Variants in GALNT17 observed in about 807,000 individuals in gnomAD.
The protein encoded by GALNT17 is polypeptide N-acetylgalactosaminyltransferase 17, also known as UDP-GalNAc:polypeptide N-acetylgalactosaminyltransferase-like 3.
In GALNT17, 29 loss-of-function variants were observed where a neutral mutation model predicts 63.7. That is an observed-to-expected ratio of 0.46 (90% CI 0.34 to 0.62). GALNT17 has a LOEUF of 0.62. Among genes scored for constraint, GALNT17 ranks in the 20% least tolerant of loss-of-function variants. GALNT17 has a pLI of 0.01. For synonymous variants in GALNT17, 305 were observed against 318.3 expected, an observed-to-expected ratio of 0.96 and a Z score of 0.45; for missense variants, 603 against 799.6, an observed-to-expected ratio of 0.75 and a Z score of 2.97.
intron 1 of GALNT17, among the ~76,000 whole-genome samples, chr7:71,182,938 G>A (rs1250992012): frequency 6.6e-6 from 1 of 152,190 alleles, no homozygotes; most frequent in Admixed American, 6.6e-5. Context: ...AAGTTTTCAG[G>A]CTTTGCAAGC....
intron 1 of GALNT17, among the ~76,000 whole-genome samples, chr7:71,158,504 C>T (rs563101924): frequency 2.0e-5 from 3 of 151,732 alleles, no homozygotes; most frequent in African/African-American, 7.3e-5. Flanking sequence ...AAGTGATTCT[C>T]CTGTCTCAGC....
chr7:71,160,579 C>T (rs28779477), intron 1 of GALNT17, among the ~76,000 whole-genome samples: 13,188 of 152,188 alleles, frequency 0.087, 755 homozygotes, highest in African/African-American at 0.15. Context: ...CTGCCTCAGC[C>T]TCCCAAGTAG....
intron 5 of GALNT17, among the ~76,000 whole-genome samples, chr7:71,555,113 C>A (rs891767357): frequency 4.6e-5 from 7 of 152,082 alleles, no homozygotes; most frequent in Admixed American, 4.6e-4. Flanking sequence ...ACAACCAGAT[C>A]TTGCTGAACT....
chr7:71,451,830 A>G (rs905289073), intron 5 of GALNT17, among the ~76,000 whole-genome samples: 1 of 151,942 alleles, frequency 6.6e-6, no homozygotes, highest in Non-Finnish European at 1.5e-5. Context: ...ATTTTTAAAA[A>G]CCAAATCAAT....
At chr7:71,500,972 A>G (rs1788171538) in intron 5 of GALNT17, among the ~76,000 whole-genome samples, 1 of 151,556 alleles carries the variant, frequency 6.6e-6, no homozygotes. Context: ...TTTTTAGTTT[A>G]TTTATTTATT....
At chr7:71,181,303 A>G (rs1788731431) in intron 1 of GALNT17, among the ~76,000 whole-genome samples, 1 of 151,964 alleles carries the variant, frequency 6.6e-6, no homozygotes, top group African/African-American at 2.4e-5. Context: ...TTGTGCACCA[A>G]CCTAATATTA....
intron 3 of GALNT17, among the ~76,000 whole-genome samples, chr7:71,388,701 AT>A (rs1792996246): frequency 1.3e-5 from 2 of 151,562 alleles, no homozygotes; most frequent in Non-Finnish European, 2.9e-5. Context: ...TAATTTTTGT[AT>A]TTTTAGTAGA....
chr7:71,648,496 A>C (rs947330854), intron 6 of GALNT17, among the ~76,000 whole-genome samples: 5 of 152,034 alleles, frequency 3.3e-5, no homozygotes, highest in African/African-American at 9.7e-5. Flanking sequence ...GGCTGGTCTT[A>C]AACCCCTGAC....
At chr7:71,375,559 C>T (rs905289049) in intron 2 of GALNT17, among the ~76,000 whole-genome samples, 2 of 152,148 alleles carry the variant, frequency 1.3e-5, no homozygotes, top group African/African-American at 4.8e-5. Flanking sequence ...GCTAAGACTA[C>T]AGGCACGTGT....
intron 5 of GALNT17, among the ~76,000 whole-genome samples, chr7:71,479,819 G>A (rs1317904938): frequency 2.0e-5 from 3 of 152,102 alleles, no homozygotes; most frequent in East Asian, 1.9e-4. Context: ...CCACTTTGGG[G>A]CCACTCCAGC....
rs775401511 is a variant in GALNT17 at position 71,296,547 on chromosome 7, C to T, written c.239-39003C>T. Reference sequence around the variant, plus strand: ...GGGAGAATCACTTGAACCCAGGAGGCGGAGGTTGCAGTGAGCCGAGATCAT... The same window carrying T: ...GGGAGAATCACTTGAACCCAGGAGGTGGAGGTTGCAGTGAGCCGAGATCAT... On this transcript the variant is annotated intron_variant, in intron 1 of 10. Coordinates refer to ENST00000333538, the MANE Select transcript of GALNT17 (RefSeq NM_022479.3). 1.7e-3 allele frequency among the ~76,000 whole-genome samples: 254 copies of T among 151,200 alleles called. 3 individuals carry two copies. Among genetic ancestry groups the T allele is most frequent in the Non-Finnish European group, 1.6e-3 (111 of 67,822 alleles).
intron 6 of GALNT17, among the ~76,000 whole-genome samples, chr7:71,614,774 C>CAGAG (rs1554315798): frequency 6.7e-6 from 1 of 149,026 alleles, no homozygotes; most frequent in Non-Finnish European, 1.5e-5. Context: ...GAGAAAGAAA[C>CAGAG]AGAGAAAGAG....
chr7:71,315,622 C>T (rs1044108642), intron 1 of GALNT17, among the ~76,000 whole-genome samples: 2 of 152,078 alleles, frequency 1.3e-5, no homozygotes, highest in Admixed American at 1.3e-4. Context: ...AATGGAGACT[C>T]TGAGAGTTTA....
chr7:71,429,061 G>A (rs1374866721), intron 5 of GALNT17, among the ~76,000 whole-genome samples: 1 of 152,094 alleles, frequency 6.6e-6, no homozygotes, highest in Admixed American at 6.6e-5. Flanking sequence ...AAAGTATTCG[G>A]CTAATCTGTT....
chr7:71,305,805 A>G (rs375249844), intron 1 of GALNT17, among the ~76,000 whole-genome samples: 30 of 152,332 alleles, frequency 2.0e-4, no homozygotes, highest in African/African-American at 5.5e-4. Context: ...TGGCCTTAGA[A>G]GACTCTTCCT....
At chr7:71,282,247 C>T (rs560087691) in intron 1 of GALNT17, among the ~76,000 whole-genome samples, 2 of 152,268 alleles carry the variant, frequency 1.3e-5, no homozygotes, top group South Asian at 2.1e-4. Flanking sequence ...CTCCTGACGA[C>T]GAGAGCCACT....
chr7:71,422,667 C>T (rs1461931034), intron 5 of GALNT17, among the ~76,000 whole-genome samples: 4 of 152,204 alleles, frequency 2.6e-5, no homozygotes, highest in Non-Finnish European at 4.4e-5. Flanking sequence ...TTACAGCTCC[C>T]GAAGCCCCAG....
intron 1 of GALNT17, among the ~76,000 whole-genome samples, chr7:71,322,152 T>C (rs891778498): frequency 2.6e-5 from 4 of 151,104 alleles, no homozygotes; most frequent in Admixed American, 2.0e-4. Context: ...ACAGGTCTCA[T>C]TATGTTGCCC....
chr7:71,460,493 A>G (rs893503530), intron 5 of GALNT17, among the ~76,000 whole-genome samples: 2 of 152,196 alleles, frequency 1.3e-5, no homozygotes, highest in African/African-American at 2.4e-5. Context: ...ATCTCACACC[A>G]TATAATGGAG....
Sources: allele counts gnomAD v4.1 joint callset (sites outside exome capture counted in the v4.1 genomes callset), GRCh38; gene constraint gnomAD v4.1.1; transcripts MANE v1.5; gene names NCBI Gene and HGNC (gene_info 2026-07-23, HGNC 2026-07-21).